The following ZFHX3 variants were observed in gnomAD, a reference collection of about 807,000 sequenced individuals.
The protein encoded by ZFHX3 is zinc finger homeobox 3.
ZFHX3 carries 42 observed loss-of-function variants against 279.1 expected under a neutral mutation model. The observed-to-expected ratio is 0.15, with a 90% confidence interval of 0.12 to 0.19. ZFHX3 has a LOEUF of 0.19. ZFHX3 is among the 10% of genes least tolerant of loss of function. The pLI is 1.00. For synonymous variants in ZFHX3, 2,293 were observed against 1,957.8 expected (o/e 1.17, Z -4.52); for missense variants, 4,981 against 4,754.0 (o/e 1.05, Z -1.40).
At chr16:73,378,468 C>T (rs1021885469) in intron 3 of ZFHX3, among the ~76,000 whole-genome samples, 1 of 152,168 alleles carries the variant, frequency 6.6e-6, no homozygotes, top group African/African-American at 2.4e-5. Flanking sequence ...TGTGAAATTA[C>T]TATCTCTAAG....
intron 1 of ZFHX3, among the ~76,000 whole-genome samples, chr16:72,986,053 C>T (rs1268199179): frequency 1.3e-5 from 2 of 152,018 alleles, no homozygotes; most frequent in African/African-American, 4.8e-5. Flanking sequence ...CCCCCCACCC[C>T]GCCAACTCCC....
Position 73,152,580 on chromosome 16 carries a change from C to A in ZFHX3, c.-1103-8749G>T, listed in dbSNP as rs1315334519. On this transcript the variant is annotated intron_variant, in intron 5 of 17. Coordinates refer to the ZFHX3 transcript ENST00000641206. ...ATTGCTGGCTCTTTTCACAAACACC[C>A]AAACTTTGTATACAAACTAGGGGCC... 2.0e-5 allele frequency among the ~76,000 whole-genome samples: 3 copies of A among 150,768 alleles called. No homozygotes were observed. In the East Asian group the frequency reaches 5.8e-4, roughly 29 times the overall value.
rs1173396634 is a variant in ZFHX3, at chr16:72,785,419, G to GTCTT, written c.*1741_*1744dup. 2.0e-5 allele frequency: 3 copies of GTCTT among 152,644 alleles called. No homozygotes were observed. The highest frequency in any genetic ancestry group is 4.4e-5 in the Non-Finnish European group (3 of 68,046). 9.5% of individuals were successfully genotyped at this position (152,644 alleles called of 1,614,324 possible). A position where few individuals can be genotyped will look rare whatever the true frequency, so the allele number is the denominator to read the frequency against. On this transcript the variant is annotated 3_prime_UTR_variant, in exon 10 of 10. Transcript: ENST00000268489. ...GACAAAACTTTGAAGTAAAAAATGT[G>GTCTT]TCTTTTGGTATATGGAATTGTCATT... is the stretch of plus-strand genomic sequence containing the variant.
chr16:73,621,723 T>G (rs1262263916), intron 2 of ZFHX3, among the ~76,000 whole-genome samples: 1 of 152,158 alleles, frequency 6.6e-6, no homozygotes, highest in East Asian at 1.9e-4. Flanking sequence ...CAATAACAAA[T>G]TATTAGCATA....
intron 2 of ZFHX3, among the ~76,000 whole-genome samples, chr16:73,647,258 G>A (rs1169359746): frequency 2.0e-5 from 3 of 151,850 alleles, no homozygotes; most frequent in African/African-American, 4.8e-5. Flanking sequence ...GTGATCTGCC[G>A]GCCTCAGCCT....
chr16:73,234,499 G>A (rs2012881529), intron 5 of ZFHX3, among the ~76,000 whole-genome samples: 1 of 152,194 alleles, frequency 6.6e-6, no homozygotes, highest in African/African-American at 2.4e-5. Flanking sequence ...GGGCTGTAAT[G>A]AAAACAAATG....
chr16:73,417,293 C>G (rs2017608566), intron 3 of ZFHX3, among the ~76,000 whole-genome samples: 1 of 151,484 alleles, frequency 6.6e-6, no homozygotes, highest in Non-Finnish European at 1.5e-5. Flanking sequence ...GGATAGGATC[C>G]AAGAAACAGG....
intron 5 of ZFHX3, among the ~76,000 whole-genome samples, chr16:73,230,006 A>G (rs2144929547): frequency 6.6e-6 from 1 of 152,332 alleles, no homozygotes; most frequent in South Asian, 2.1e-4. Flanking sequence ...AGAAAAGCAG[A>G]TAGATGGATA....
At chr16:73,168,221 T>TTCTTTCTTTC (rs1193619437) in intron 5 of ZFHX3, among the ~76,000 whole-genome samples, 7 of 127,242 alleles carry the variant, frequency 5.5e-5, no homozygotes, top group African/African-American at 2.2e-4. Flanking sequence ...TTTTCTTTCT[T>TTCTTTCTTTC]TCTTTCTTTC....
chr16:73,715,152 C>G (rs1479701856), intron 1 of ZFHX3, among the ~76,000 whole-genome samples: 1 of 152,148 alleles, frequency 6.6e-6, no homozygotes, highest in Admixed American at 6.5e-5. Flanking sequence ...GGCTAAAATT[C>G]TGACTGCCGG....
chr16:72,932,551 G>A (rs953319612), intron 3 of ZFHX3, among the ~76,000 whole-genome samples: 1 of 151,120 alleles, frequency 6.6e-6, no homozygotes, highest in African/African-American at 2.4e-5. Context: ...TTCAGATGAG[G>A]CCACTACAGA....
chr16:73,582,346 G>A (rs1469508125), intron 2 of ZFHX3, among the ~76,000 whole-genome samples: 3 of 151,778 alleles, frequency 2.0e-5, no homozygotes, highest in African/African-American at 7.3e-5. Context: ...ACCTAAAGTT[G>A]TGATGTATTC....
intron 4 of ZFHX3, among the ~76,000 whole-genome samples, chr16:73,292,028 T>C (rs2014784675): frequency 6.6e-6 from 1 of 152,198 alleles, no homozygotes; most frequent in Non-Finnish European, 1.5e-5. Context: ...TTTCTAAGTA[T>C]TGATATTAGT....
intron 1 of ZFHX3, among the ~76,000 whole-genome samples, chr16:73,873,189 A>AGTGGG (rs1567436515): frequency 5.8e-5 from 1 of 17,294 alleles, no homozygotes; most frequent in Non-Finnish European, 1.2e-4. Context: ...GTGGTGGTGG[A>AGTGGG]TGGTGGGTGG....
intron 2 of ZFHX3, among the ~76,000 whole-genome samples, chr16:73,675,536 T>C (rs2052945849): frequency 6.6e-6 from 1 of 152,064 alleles, no homozygotes; most frequent in Admixed American, 6.6e-5. Context: ...ATGAAACTGA[T>C]AGGATTTCCC....
chr16:73,353,494 T>C (rs898562594), intron 3 of ZFHX3, among the ~76,000 whole-genome samples: 3 of 152,248 alleles, frequency 2.0e-5, no homozygotes, highest in African/African-American at 7.2e-5. Context: ...ACTATTTAAG[T>C]GCTCTTCTTC....
At chr16:72,841,078 C>T (rs996116183) in intron 4 of ZFHX3, among the ~76,000 whole-genome samples, 1 of 152,182 alleles carries the variant, frequency 6.6e-6, no homozygotes, top group African/African-American at 2.4e-5. Flanking sequence ...AGAAAAGACC[C>T]TTACAACTGC....
intron 4 of ZFHX3, among the ~76,000 whole-genome samples, chr16:73,308,780 A>G (rs1408360583): frequency 6.6e-6 from 1 of 151,498 alleles, no homozygotes; most frequent in Non-Finnish European, 1.5e-5. Flanking sequence ...TCCTGCAGGA[A>G]GTTTACATTC....
intron 2 of ZFHX3, among the ~76,000 whole-genome samples, chr16:73,581,922 C>T (rs57046783): frequency 0.018 from 2,658 of 151,794 alleles, 102 homozygotes; most frequent in East Asian, 0.097. Context: ...GATCCACCTG[C>T]CTTGGCCTCC....
Sources: allele counts gnomAD v4.1 joint callset (sites outside exome capture counted in the v4.1 genomes callset), GRCh38; gene constraint gnomAD v4.1.1; transcripts MANE v1.5; gene names NCBI Gene and HGNC (gene_info 2026-07-23, HGNC 2026-07-21).